Variants in RASGRP3 observed in about 807,000 individuals in gnomAD.
The protein encoded by RASGRP3 is RAS guanyl releasing protein 3, also known as ras guanyl-releasing protein 3.
A neutral mutation model predicts 82.7 loss-of-function variants in RASGRP3; 54 were observed. The observed-to-expected ratio is 0.65, with a 90% CI of 0.52 to 0.82. The LOEUF (loss-of-function observed/expected upper bound fraction) is 0.82. RASGRP3 is among the 40% of genes least tolerant of loss of function. The pLI is 0.00. For missense variants in RASGRP3, 861 were observed against 828.9 expected, an observed-to-expected ratio of 1.04 and a Z score of -0.48; for synonymous variants, 309 against 300.5, an observed-to-expected ratio of 1.03 and a Z score of -0.29.
At chr2:33,505,153 T>TCACCAC (rs10652330) in intron 1 of RASGRP3, among the ~76,000 whole-genome samples, 3,282 of 150,016 alleles carry the variant, frequency 0.022, 103 homozygotes, top group African/African-American at 0.069. Context: ...ATCATCATCA[T>TCACCAC]CACCACCACC....
At chr2:33,445,390 C>T (rs945381784) in intron 1 of RASGRP3, among the ~76,000 whole-genome samples, 4 of 152,260 alleles carry the variant, frequency 2.6e-5, no homozygotes, top group Middle Eastern at 6.8e-3. Context: ...AGAGTTTAAC[C>T]AGTCAGAAAA....
rs1408791059 is a variant in RASGRP3, at chr2:33,558,662, TCAC to T, written c.1706-9_1706-7del. ...GATGTCAAATAATCACCACCCTTTTTCACTTCCAGCGCAGGATGAGGTGTTTGA... is the reference window on the plus strand; with the variant it reads ...GATGTCAAATAATCACCACCCTTTTTTTCCAGCGCAGGATGAGGTGTTTGA... On this transcript the variant is annotated splice_polypyrimidine_tract_variant and splice_region_variant and intron_variant, in intron 16 of 17. Coordinates refer to ENST00000403687, the MANE Select transcript of RASGRP3 (RefSeq NM_001139488.2). 1.9e-6 allele frequency: 3 copies of T among 1,576,726 alleles called. No individual in the cohort carries two copies. Among genetic ancestry groups the T allele is most frequent in the Non-Finnish European group, 2.6e-6 (3 of 1,161,988 alleles).
intron 2 of RASGRP3, among the ~76,000 whole-genome samples, chr2:33,450,822 CTTTTTTTTTTTTTTTT>C (rs1170217165): frequency 1.0e-3 from 19 of 18,962 alleles, no homozygotes; most frequent in South Asian, 3.1e-3. Context: ...TTCTTTCTTT[CTTTTTTTTTTTTTTTT>C]TTTTTTTTTT....
intron 1 of RASGRP3, among the ~76,000 whole-genome samples, chr2:33,478,105 G>C (rs762694712): frequency 6.6e-6 from 1 of 152,130 alleles, no homozygotes; most frequent in African/African-American, 2.4e-5. Context: ...GCACTTCTGC[G>C]ATCGAGTTTC....
At chr2:33,482,695 C>T (rs182423028) in intron 1 of RASGRP3, 70 of 152,276 alleles carry the variant, frequency 4.6e-4, no homozygotes, top group African/African-American at 1.6e-3. Flanking sequence ...CCCAATATGG[C>T]AATTCAGTTC....
In RASGRP3 at chr2:33,518,387, C is replaced by T. The variant is rs576729921; in HGVS notation, c.174-1565C>T. On this transcript the variant is annotated intron_variant, in intron 4 of 17. Transcript: ENST00000403687. ...TGGTACACCTGTATAGGGTGCTTATCATGAATGGAGCTTGCAAGACTGGAA... is the reference window on the plus strand; with the variant it reads ...TGGTACACCTGTATAGGGTGCTTATTATGAATGGAGCTTGCAAGACTGGAA... Among the ~76,000 whole-genome samples, 31 of 152,306 alleles carry T rather than the reference C, an allele frequency of 2.0e-4. No individual in the cohort carries two copies. In the South Asian group the frequency reaches 6.2e-3, roughly 31 times the overall value.
chr2:33,482,739 A>G (rs1163098384), intron 1 of RASGRP3: 1 of 152,214 alleles, frequency 6.6e-6, no homozygotes, highest in Non-Finnish European at 1.5e-5. Context: ...TGTTGCCAAG[A>G]TCATAAAAAT....
At chr2:33,450,885 T>C (rs1470479696) in intron 2 of RASGRP3, among the ~76,000 whole-genome samples, 3 of 128,850 alleles carry the variant, frequency 2.3e-5, no homozygotes, top group African/African-American at 8.6e-5. Context: ...TCGCCCAGGC[T>C]GGAGTGTAGT....
At chr2:33,439,728 T>C (rs1665117931) in intron 1 of RASGRP3, among the ~76,000 whole-genome samples, 1 of 151,868 alleles carries the variant, frequency 6.6e-6, no homozygotes, top group Non-Finnish European at 1.5e-5. Flanking sequence ...GGAATGAGCC[T>C]ATGGAGCAGG....
intron 14 of RASGRP3, among the ~76,000 whole-genome samples, chr2:33,553,610 G>A (rs1034282127): frequency 6.6e-6 from 1 of 151,894 alleles, no homozygotes; most frequent in African/African-American, 2.4e-5. Flanking sequence ...GATGATCCTG[G>A]CCACCACTGC....
chr2:33,471,802 A>T (rs1023821760), upstream of RASGRP3, among the ~76,000 whole-genome samples: 1 of 152,088 alleles, frequency 6.6e-6, no homozygotes, highest in Non-Finnish European at 1.5e-5. Context: ...TATTTTGGCT[A>T]TGTCTCCCAA....
chr2:33,518,372 G>C (rs1013143662), intron 4 of RASGRP3, among the ~76,000 whole-genome samples: 2 of 152,328 alleles, frequency 1.3e-5, no homozygotes, highest in Non-Finnish European at 2.9e-5. Context: ...TGGTACACCT[G>C]TATAGGGTGC....
chr2:33,495,271 G>A (rs960544320), intron 1 of RASGRP3, among the ~76,000 whole-genome samples: 5 of 152,186 alleles, frequency 3.3e-5, no homozygotes, highest in South Asian at 2.1e-4. Flanking sequence ...CAGGGGCTGG[G>A]GGTTGGGAAG....
At chr2:33,559,207 GT>G (rs2151119110) in intron 17 of RASGRP3, among the ~76,000 whole-genome samples, 177 bp downstream of exon 17, 1 of 152,228 alleles carries the variant, frequency 6.6e-6, no homozygotes, top group African/African-American at 2.4e-5. Flanking sequence ...CTGGACATAT[GT>G]TTCTTCTTTA....
In RASGRP3 at chr2:33,539,132, A is replaced by G; in HGVS notation, c.1200A>G (p.Val400=). 4.3e-6 allele frequency: 7 copies of G among 1,611,534 alleles called. No homozygotes were observed. Among genetic ancestry groups the G allele is most frequent in the East Asian group, 2.2e-5 (1 of 44,828 alleles). ...CTACGACGCCCAACAAGCCTGTGGT[A>G]CCCCTGGAGTGGGCATTAGGGGTGA... The part of the protein sequence containing the change: ...TSPTTPNKPV[V]PLEWALGVMP... Residue 400 remains valine, a synonymous_variant, in exon 12 of 18, where the codon GTA becomes GTG. Transcript: ENST00000403687.
chr2:33,556,646 G>A (rs918262532), intron 15 of RASGRP3, among the ~76,000 whole-genome samples: 1 of 152,042 alleles, frequency 6.6e-6, no homozygotes, highest in Non-Finnish European at 1.5e-5. Flanking sequence ...TGTTCCCCAG[G>A]GATGCCTTTT....
chr2:33,480,878 G>A (rs1667831473), intron 1 of RASGRP3, among the ~76,000 whole-genome samples: 1 of 152,144 alleles, frequency 6.6e-6, no homozygotes, highest in Non-Finnish European at 1.5e-5. Context: ...AGTCTGTGGT[G>A]TGCAGAGTCG....
chr2:33,493,531 A>G (rs1321824567), intron 1 of RASGRP3, among the ~76,000 whole-genome samples: 1 of 152,118 alleles, frequency 6.6e-6, no homozygotes, highest in Non-Finnish European at 1.5e-5. Context: ...ACAGGAGTAA[A>G]TGAACAGTGT....
chr2:33,467,980 T>TTTTTC (rs1553336978), intron 2 of RASGRP3, among the ~76,000 whole-genome samples: 2 of 116,302 alleles, frequency 1.7e-5, no homozygotes, highest in African/African-American at 5.9e-5. Context: ...TGGTGAGGCT[T>TTTTTC]TTTCTTTCTT....
Sources: allele counts gnomAD v4.1 joint callset (sites outside exome capture counted in the v4.1 genomes callset), GRCh38; gene constraint gnomAD v4.1.1; transcripts MANE v1.5; gene names NCBI Gene and HGNC (gene_info 2026-07-23, HGNC 2026-07-21).